IFT80: variants seen among roughly 807,000 people sequenced by gnomAD.
IFT80 encodes the protein intraflagellar transport 80.
IFT80 carries 79 observed loss-of-function variants against 107.9 expected under a neutral mutation model. That is an observed-to-expected ratio of 0.73 (90% CI 0.61 to 0.88). The LOEUF (loss-of-function observed/expected upper bound fraction) is 0.88, where lower values mean the gene tolerates loss of function less well. Among genes scored for constraint, IFT80 ranks in the 40% least tolerant of loss-of-function variants. IFT80 has a pLI of 0.00. For synonymous variants in IFT80, 299 were observed against 300.9 expected, an observed-to-expected ratio of 0.99 and a Z score of 0.07; for missense variants, 797 against 914.2, an observed-to-expected ratio of 0.87 and a Z score of 1.65.
intron 6 of IFT80, among the ~76,000 whole-genome samples, chr3:160,360,935 A>C (rs546176231): frequency 2.6e-5 from 4 of 152,286 alleles, no homozygotes; most frequent in African/African-American, 9.6e-5. Context: ...TGATGCTAGG[A>C]AGCATCTATG....
intron 5 of IFT80, among the ~76,000 whole-genome samples, 181 bp downstream of exon 5, chr3:160,375,631 C>T (rs1009907051): frequency 6.6e-6 from 1 of 151,926 alleles, no homozygotes; most frequent in Non-Finnish European, 1.5e-5. Flanking sequence ...AATAGTGTTA[C>T]CATGGTACAT....
intron 12 of IFT80, among the ~76,000 whole-genome samples, chr3:160,300,242 C>T (rs773076308): frequency 3.3e-5 from 5 of 151,960 alleles, no homozygotes; most frequent in Non-Finnish European, 4.4e-5. Context: ...ACCATTGTAT[C>T]CTGAACTTCT....
At chr3:160,325,883 G>T (rs931485896) in intron 8 of IFT80, among the ~76,000 whole-genome samples, 2 of 151,970 alleles carry the variant, frequency 1.3e-5, no homozygotes, top group Non-Finnish European at 2.9e-5. Flanking sequence ...AAAAGTTTTG[G>T]ATTTTGGAGT....
chr3:160,355,000 T>C (rs1398743595), intron 8 of IFT80, among the ~76,000 whole-genome samples: 1 of 152,168 alleles, frequency 6.6e-6, no homozygotes. Context: ...ACAGAACAAT[T>C]TTATGATTTC....
At chr3:160,328,158 A>T (rs970335800) in intron 8 of IFT80, among the ~76,000 whole-genome samples, 10 of 152,044 alleles carry the variant, frequency 6.6e-5, no homozygotes, top group Non-Finnish European at 4.4e-5. Flanking sequence ...CACCAGTCAG[A>T]ATGGCTATTA....
chr3:160,280,723 A>G lies in IFT80; in HGVS notation c.1608T>C (p.Asn536=), dbSNP rs371765876. 2 of 1,612,506 alleles carry G rather than the reference A, an allele frequency of 1.2e-6. No homozygotes were observed. Among genetic ancestry groups the G allele is most frequent in the African/African-American group, 1.3e-5 (1 of 74,880 alleles). The stretch of plus-strand genomic sequence containing the variant: ...AAATGTCTCTGTCCACATAAACTGT[A>G]TTGGGGTAATACCACACTATAAATC... ...DTRFIVWYYP[N]TVYVDRDILP... is the part of the protein sequence containing the mutation. Residue 536 remains asparagine, a synonymous_variant, in exon 15 of 20, where the codon AAT becomes AAC. Coordinates refer to ENST00000326448, the MANE Select transcript of IFT80 (RefSeq NM_020800.3).
chr3:160,272,541 T>C (rs535640620), intron 18 of IFT80, among the ~76,000 whole-genome samples: 1 of 152,282 alleles, frequency 6.6e-6, no homozygotes. Context: ...TAAAATTCCA[T>C]CTTTTCATCC....
At chr3:160,356,914 G>A (rs939152411) in intron 7 of IFT80, among the ~76,000 whole-genome samples, 4 of 152,038 alleles carry the variant, frequency 2.6e-5, no homozygotes, top group Non-Finnish European at 5.9e-5. Context: ...TCTAACTCTA[G>A]TTATTAATAC....
intron 1 of IFT80, among the ~76,000 whole-genome samples, chr3:160,397,116 G>C (rs952512246): frequency 6.6e-6 from 1 of 152,126 alleles, no homozygotes; most frequent in Non-Finnish European, 1.5e-5. Context: ...CTGACTTCAA[G>C]GGTTTATACT....
chr3:160,380,969 T>A (rs1712445884), intron 3 of IFT80, among the ~76,000 whole-genome samples: 1 of 151,956 alleles, frequency 6.6e-6, no homozygotes. Flanking sequence ...GCATGGTGGC[T>A]CATACCTGTA....
chr3:160,276,943 C>G (rs978795981), intron 18 of IFT80, among the ~76,000 whole-genome samples: 1 of 152,130 alleles, frequency 6.6e-6, no homozygotes, highest in South Asian at 2.1e-4. Context: ...CTTATGAGCT[C>G]CAGGTCCATT....
intron 5 of IFT80, among the ~76,000 whole-genome samples, chr3:160,375,278 C>T (rs1197086207): frequency 6.6e-6 from 1 of 152,086 alleles, no homozygotes; most frequent in Admixed American, 6.6e-5. Context: ...GACTTTATGG[C>T]CACTCCTTTC....
chr3:160,320,149 G>T, intron 8 of IFT80: 1 of 510,422 alleles, frequency 2.0e-6, no homozygotes, highest in Non-Finnish European at 3.5e-6. Context: ...CTAAAACAGT[G>T]TATGAAATAT....
intron 12 of IFT80, among the ~76,000 whole-genome samples, chr3:160,295,665 G>A (rs1715920170): frequency 2.0e-5 from 3 of 152,058 alleles, no homozygotes; most frequent in Admixed American, 1.3e-4. Flanking sequence ...TGAAAGAACT[G>A]AAATCAGGAT....
In IFT80 at chr3:160,355,962, A is replaced by C. The variant is rs543361528; in HGVS notation, c.777+51T>G. The C allele has an allele frequency of 1.8e-4, 293 of 1,598,378 alleles. 6 individuals carry two copies. The South Asian group carries it at 3.0e-3, about 17-fold the overall frequency. On this transcript the variant is annotated intron_variant, in intron 8 of 19. Coordinates refer to ENST00000326448, the MANE Select transcript of IFT80 (RefSeq NM_020800.3). The stretch of plus-strand genomic sequence containing the variant: ...AGACTGAGAACCATGTGTGTTGTGC[A>C]TTACCACATTTATGACAGCACATCT...
intron 18 of IFT80, among the ~76,000 whole-genome samples, chr3:160,269,089 C>T (rs950443556): frequency 4.6e-5 from 7 of 151,936 alleles, no homozygotes; most frequent in South Asian, 2.1e-4. Flanking sequence ...ATTAGCTGGG[C>T]GTGGTGGTAC....
intron 7 of IFT80, among the ~76,000 whole-genome samples, chr3:160,356,722 T>A (rs974337451): frequency 6.6e-6 from 1 of 152,160 alleles, no homozygotes; most frequent in Non-Finnish European, 1.5e-5. Flanking sequence ...GGTCTTGTTA[T>A]ATTGCCTAGG....
chr3:160,293,538 A>G (rs1030407065), intron 12 of IFT80, among the ~76,000 whole-genome samples: 2 of 152,208 alleles, frequency 1.3e-5, no homozygotes, highest in Admixed American at 1.3e-4. Flanking sequence ...TCCTTTTGCC[A>G]TATGGGATCC....
chr3:160,274,926 A>T (rs543816944), intron 18 of IFT80, among the ~76,000 whole-genome samples: 1 of 152,362 alleles, frequency 6.6e-6, no homozygotes, highest in South Asian at 2.1e-4. Context: ...TCTCAAAAAA[A>T]CCAAAATGAT....
Sources: allele counts gnomAD v4.1 joint callset (sites outside exome capture counted in the v4.1 genomes callset), GRCh38; gene constraint gnomAD v4.1.1; transcripts MANE v1.5; gene names NCBI Gene and HGNC (gene_info 2026-07-23, HGNC 2026-07-21).